The following B4GALNT2 variants were observed in gnomAD, a reference collection of about 807,000 sequenced individuals.
The protein encoded by B4GALNT2 is N-acetylneuraminylgalactosylglucosyl-glucoside beta-1,4-N- acetylgalactosaminyltransferase 2.
In B4GALNT2, 42 loss-of-function variants were observed where a neutral mutation model predicts 51.1. The ratio of observed to expected loss-of-function variants is 0.82; its 90% CI spans 0.64 to 1.06. The LOEUF (loss-of-function observed/expected upper bound fraction) is 1.06. Ranked by LOEUF, B4GALNT2 falls within the 50% of genes least tolerant of loss-of-function variation. The pLI is 0.00. For synonymous variants in B4GALNT2, 253 were observed against 251.7 expected (o/e 1.01, Z -0.05); for missense variants, 602 against 633.6 (o/e 0.95, Z 0.54).
intron 1 of B4GALNT2, chr17:49,133,098 G>T: frequency 6.6e-7 from 1 of 1,521,142 alleles, no homozygotes; most frequent in Non-Finnish European, 8.7e-7. Flanking sequence ...ATGTGTCTCG[G>T]GGACGCCCGA....
chr17:49,144,213 C>T (rs1326160867), intron 3 of B4GALNT2, among the ~76,000 whole-genome samples: 2 of 152,128 alleles, frequency 1.3e-5, no homozygotes, highest in East Asian at 1.9e-4. Context: ...ACCTGATGAC[C>T]TTATCCTAAT....
intron 7 of B4GALNT2, among the ~76,000 whole-genome samples, chr17:49,161,314 G>A (rs1209240260): frequency 7.0e-6 from 1 of 142,884 alleles, no homozygotes; most frequent in Non-Finnish European, 1.5e-5. Flanking sequence ...TCAAATTAAA[G>A]GAGGACAAAT....
chr17:49,148,255 G>A (rs1327493966), intron 3 of B4GALNT2: 3 of 263,772 alleles, frequency 1.1e-5, no homozygotes, highest in Non-Finnish European at 2.2e-5. Flanking sequence ...AGCTAAGATC[G>A]TGCCGCTGCA....
intron 7 of B4GALNT2, among the ~76,000 whole-genome samples, chr17:49,162,201 A>G (rs2042871339): frequency 6.6e-6 from 1 of 152,126 alleles, no homozygotes; most frequent in Non-Finnish European, 1.5e-5. Flanking sequence ...CAAAGGACAA[A>G]TTGGGAAAAA....
At chr17:49,169,241 C>T (rs2042939290) in intron 10 of B4GALNT2, among the ~76,000 whole-genome samples, 1 of 152,164 alleles carries the variant, frequency 6.6e-6, no homozygotes, top group South Asian at 2.1e-4. Context: ...CCCTCTTACT[C>T]CATCAGCCCT....
At position 49,173,206 on chromosome 17, in the gene B4GALNT2, G is replaced by A. The variant is rs1264590473; in HGVS notation, c.*3478G>A. 1.3e-5 allele frequency: 2 copies of A among 152,184 alleles called. No homozygotes were observed. The highest frequency in any genetic ancestry group is 4.8e-5 in the African/African-American group (2 of 41,440). The allele number at this position is 152,184 out of a possible 1,614,324, so 9.4% of individuals were successfully genotyped here. ...TACTCCTGACTGCTGTTTGCAATTG[G>A]GTAAATAAAGCCATCAGTTGCTCAT... On this transcript the variant is annotated 3_prime_UTR_variant, in exon 11 of 11. Transcript: ENST00000393354.
At chr17:49,155,363 G>C (rs2144316279) in intron 4 of B4GALNT2, among the ~76,000 whole-genome samples, 1 of 149,668 alleles carries the variant, frequency 6.7e-6, no homozygotes, top group Non-Finnish European at 1.5e-5. Flanking sequence ...AGCACTTTGG[G>C]AGGCTGAGGC....
intron 3 of B4GALNT2, among the ~76,000 whole-genome samples, chr17:49,150,793 C>G (rs1032201958): frequency 6.7e-6 from 1 of 148,948 alleles, no homozygotes; most frequent in South Asian, 2.1e-4. Flanking sequence ...TGCGGAAGGC[C>G]GCAGGGTCCT....
Position 49,169,833 on chromosome 17 carries a change from G to A in B4GALNT2, c.*105G>A. 5 of 1,134,282 alleles carry A rather than the reference G, an allele frequency of 4.4e-6. No individual in the cohort carries two copies. Among genetic ancestry groups the A allele is most frequent in the Non-Finnish European group, 6.0e-6 (5 of 830,590 alleles). 70.3% of individuals were successfully genotyped at this position (1,134,282 alleles called of 1,614,324 possible). ...AGGTGAACGTTGTACCAAACCAGCT[G>A]GTGGGTAGGGAAAAGGGAAATGGCT... On this transcript the variant is annotated 3_prime_UTR_variant, in exon 11 of 11. Transcript: ENST00000393354.
chr17:49,142,739 G>A (rs1426559073), intron 3 of B4GALNT2, among the ~76,000 whole-genome samples: 1 of 152,032 alleles, frequency 6.6e-6, no homozygotes, highest in East Asian at 1.9e-4. Flanking sequence ...AAAAACAAAA[G>A]GAATGGAGAT....
intron 9 of B4GALNT2, 141 bp from the exon 10 acceptor site, chr17:49,168,540 T>G: frequency 2.3e-6 from 2 of 859,080 alleles, no homozygotes; most frequent in East Asian, 2.7e-5. Context: ...AACGAGGGAG[T>G]AACTGAGGGA....
intron 7 of B4GALNT2, 136 bp from the exon 8 acceptor site, chr17:49,163,952 A>T (rs1361705993): frequency 1.3e-6 from 1 of 756,286 alleles, no homozygotes; most frequent in Non-Finnish European, 2.2e-6. Context: ...CTTATTAAGC[A>T]CCTCCTGGGT....
chr17:49,164,037 A>G (rs2042887638), intron 7 of B4GALNT2, 51 bp from the exon 8 acceptor site: 1 of 1,544,464 alleles, frequency 6.5e-7, no homozygotes, highest in Non-Finnish European at 8.9e-7. Flanking sequence ...AGGAAAAGAC[A>G]GTGAAGCTTC....
Position 49,142,140 on chromosome 17 carries a change from G to A in B4GALNT2, c.321G>A (p.Arg107=). The part of the protein sequence containing the change: ...GQSDLPAVKA[R]RQAEFEHFQR... ...GCGACCTCCCAGCGGTGAAAGCGAGGAGACAGGCTGAATTTGAACACTTTC... is the reference window on the plus strand; with the variant it reads ...GCGACCTCCCAGCGGTGAAAGCGAGAAGACAGGCTGAATTTGAACACTTTC... Residue 107 remains arginine, a synonymous_variant, in exon 3 of 11, where the codon AGG becomes AGA. Coordinates refer to ENST00000393354, the MANE Select transcript of B4GALNT2 (RefSeq NM_001159387.2). 1 of 1,614,102 alleles carries A rather than the reference G, an allele frequency of 6.2e-7. No individual in the cohort carries two copies. The highest frequency in any genetic ancestry group is 8.5e-7 in the Non-Finnish European group (1 of 1,180,008).
In B4GALNT2 at chr17:49,133,231, C is replaced by G. The variant is rs763219147; in HGVS notation, c.14+425C>G. ...AGCCGCCGTCAGGGGTATGTGAGTG[C>G]CCGGGCGCGGGGACTGCGGGCTGTG... On this transcript the variant is annotated intron_variant, in intron 1 of 10. Coordinates refer to ENST00000393354, the MANE Select transcript of B4GALNT2 (RefSeq NM_001159387.2). The G allele has an allele frequency of 1.0e-5, 15 of 1,475,540 alleles. No individual in the cohort carries two copies. The African/African-American group carries it at 2.1e-4, about 20-fold the overall frequency. The allele number at this position is 1,475,540 out of a possible 1,614,324, so 91.4% of individuals were successfully genotyped here.
intron 3 of B4GALNT2, among the ~76,000 whole-genome samples, chr17:49,149,783 G>T (rs767215254): frequency 6.6e-6 from 1 of 152,096 alleles, no homozygotes; most frequent in Non-Finnish European, 1.5e-5. Context: ...TAGATCCCAG[G>T]GTGTGCCTTT....
At chr17:49,122,418 G>A in the B4GALNT2 span, among the ~76,000 whole-genome samples, 8 of 152,154 alleles carry the variant, frequency 5.3e-5, no homozygotes, top group Admixed American at 1.3e-4. Context: ...GAGTAATGTC[G>A]TCTGTAGATG....
chr17:49,132,088 A>G (rs1321821696), upstream of B4GALNT2, among the ~76,000 whole-genome samples: 1 of 152,162 alleles, frequency 6.6e-6, no homozygotes, highest in African/African-American at 2.4e-5. Context: ...GCTATGAGCT[A>G]TGATTACACT....
intron 10 of B4GALNT2, among the ~76,000 whole-genome samples, chr17:49,169,153 C>T (rs2144346573): frequency 6.6e-6 from 1 of 152,108 alleles, no homozygotes; most frequent in Middle Eastern, 3.4e-3. Flanking sequence ...CCCTACAGCT[C>T]TGTCTTCTTC....
Sources: allele counts gnomAD v4.1 joint callset (sites outside exome capture counted in the v4.1 genomes callset), GRCh38; gene constraint gnomAD v4.1.1; transcripts MANE v1.5; gene names NCBI Gene and HGNC (gene_info 2026-07-23, HGNC 2026-07-21).